The following CAP2 variants were observed in gnomAD, a reference collection of about 807,000 sequenced individuals.
CAP2 encodes adenylyl cyclase-associated protein 2.
CAP2 carries 24 observed loss-of-function variants against 57.7 expected under a neutral mutation model. That is an observed-to-expected ratio of 0.42 (90% CI 0.30 to 0.58). CAP2 has a LOEUF of 0.58. CAP2 is among the 20% of genes least tolerant of loss of function. The pLI, the probability that CAP2 is intolerant of heterozygous loss-of-function variation, is 0.22. For missense variants in CAP2, 501 were observed against 590.3 expected, an observed-to-expected ratio of 0.85 and a Z score of 1.57; for synonymous variants, 194 against 207.2, an observed-to-expected ratio of 0.94 and a Z score of 0.55.
chr6:17,400,037 G>A (rs975349156), intron 1 of CAP2, among the ~76,000 whole-genome samples: 11 of 151,520 alleles, frequency 7.3e-5, no homozygotes, highest in South Asian at 4.2e-4. Context: ...TGGCTAACAC[G>A]GTGAAACCCC....
chr6:17,458,903 A>C (rs1209980286), intron 3 of CAP2, among the ~76,000 whole-genome samples: 11 of 150,708 alleles, frequency 7.3e-5, no homozygotes, highest in African/African-American at 2.7e-4. Context: ...AAAAAAAAAG[A>C]AAGAATTAAA....
chr6:17,539,248 C>G (rs1561821004), intron 7 of CAP2, 21 bp from the exon 8 acceptor site: 1 of 1,594,434 alleles, frequency 6.3e-7, no homozygotes, highest in East Asian at 2.2e-5. Context: ...CAATGCAATG[C>G]CCTGTCTTCT....
At chr6:17,522,835 G>A (rs774995115) in intron 7 of CAP2, among the ~76,000 whole-genome samples, 17 of 152,058 alleles carry the variant, frequency 1.1e-4, no homozygotes, top group Non-Finnish European at 2.9e-5. Flanking sequence ...TCACTCTGTC[G>A]CCAGGCTGGA....
At chr6:17,415,529 G>T (rs1401928354) in intron 1 of CAP2, among the ~76,000 whole-genome samples, 1 of 152,228 alleles carries the variant, frequency 6.6e-6, no homozygotes, top group Non-Finnish European at 1.5e-5. Context: ...AATGGTGCCA[G>T]TGAGTGGGCA....
Position 17,513,876 on chromosome 6 carries a change from G to A in CAP2, c.558G>A (p.Lys186=). ...HSDLRHVDWV[K]SYLNIWSELQ... ...ATTTGCGTCATGTGGATTGGGTGAAGTCATATTTGAACATTTGGAGTGAAC... is the reference window on the plus strand; with the variant it reads ...ATTTGCGTCATGTGGATTGGGTGAAATCATATTTGAACATTTGGAGTGAAC... Residue 186 remains lysine, a synonymous_variant, in exon 7 of 13, where the codon AAG becomes AAA. Transcript: ENST00000229922. The surrounding 1 kb of genome is among the most constrained non-coding windows in gnomAD (Gnocchi z 4.3). 2 of 1,613,262 alleles carry A rather than the reference G, an allele frequency of 1.2e-6. No individual in the cohort carries two copies. The highest frequency in any genetic ancestry group is 1.7e-6 in the Non-Finnish European group (2 of 1,179,234).
At chr6:17,461,980 G>A (rs1281789507) in intron 3 of CAP2, among the ~76,000 whole-genome samples, 11 of 56,138 alleles carry the variant, frequency 2.0e-4, no homozygotes, top group South Asian at 6.9e-4. Flanking sequence ...GCAACAGGGC[G>A]AGACTCCGTC....
intron 3 of CAP2, among the ~76,000 whole-genome samples, chr6:17,461,139 AC>A (rs1287607993): frequency 6.6e-6 from 1 of 152,074 alleles, no homozygotes; most frequent in Non-Finnish European, 1.5e-5. Context: ...ACAGAGTGAG[AC>A]CATGTCTCTA....
At chr6:17,410,682 C>T (rs566998633) in intron 1 of CAP2, among the ~76,000 whole-genome samples, 17 of 152,136 alleles carry the variant, frequency 1.1e-4, no homozygotes, top group African/African-American at 2.4e-4. Flanking sequence ...CTCAACCTCC[C>T]GAGTAGCTGG....
At chr6:17,496,780 AG>A (rs1761680977) in intron 4 of CAP2, among the ~76,000 whole-genome samples, 1 of 152,202 alleles carries the variant, frequency 6.6e-6, no homozygotes, top group Non-Finnish European at 1.5e-5. Flanking sequence ...TAACACTCAC[AG>A]GGGAGTTGTT....
intron 1 of CAP2, among the ~76,000 whole-genome samples, chr6:17,399,952 T>G (rs1581484314): frequency 1.3e-5 from 2 of 152,098 alleles, no homozygotes; most frequent in Admixed American, 6.5e-5. Context: ...CCGGGCATGG[T>G]GGCTCACGCC....
At chr6:17,400,142 C>T (rs1456075365) in intron 1 of CAP2, among the ~76,000 whole-genome samples, 1 of 152,116 alleles carries the variant, frequency 6.6e-6, no homozygotes, top group Non-Finnish European at 1.5e-5. Flanking sequence ...AGGAGAATCG[C>T]TTGAACCCGG....
Position 17,513,981 on chromosome 6 carries a change from T to G in CAP2, c.636+27T>G. Reference sequence around the variant, plus strand: ...TGAGTACGAGGCCTTCCTCCACGTGTGTAAAAAAAGGCCATGACTATATAT... The same window carrying G: ...TGAGTACGAGGCCTTCCTCCACGTGGGTAAAAAAAGGCCATGACTATATAT... On this transcript the variant is annotated intron_variant, in intron 7 of 12. Transcript: ENST00000229922. The surrounding 1 kb of genome is among the most constrained non-coding windows in gnomAD (Gnocchi z 4.3). The G allele has an allele frequency of 7.1e-7, 1 of 1,409,062 alleles. No homozygotes were observed. The highest frequency in any genetic ancestry group is 1.0e-6 in the Non-Finnish European group (1 of 993,742). The allele number at this position is 1,409,062 out of a possible 1,614,324, so 87.3% of individuals were successfully genotyped here. A position where few individuals can be genotyped will look rare whatever the true frequency, so the allele number is the denominator to read the frequency against.
intron 4 of CAP2, among the ~76,000 whole-genome samples, chr6:17,505,599 CT>C (rs1396152958): frequency 6.6e-6 from 1 of 152,192 alleles, no homozygotes; most frequent in Non-Finnish European, 1.5e-5. Flanking sequence ...AATTAAAGAG[CT>C]GTAAGGAGCT....
intron 3 of CAP2, among the ~76,000 whole-genome samples, chr6:17,458,542 G>A (rs115266264): frequency 0.018 from 2,700 of 152,328 alleles, 48 homozygotes; most frequent in Non-Finnish European, 0.029. Context: ...ACATTTGTCA[G>A]ATGCCAAAAC....
At position 17,507,736 on chromosome 6, in the gene CAP2, T is replaced by C. The variant is rs997697040; in HGVS notation, c.530+10T>C. ...AGGACTACAAACACAGGTACGTACC[T>C]TCCTTTACTCACCAAATTTTCAGTT... On this transcript the variant is annotated intron_variant, in intron 6 of 12. Transcript: ENST00000229922. 4.0e-6 allele frequency: 6 copies of C among 1,492,234 alleles called. No homozygotes were observed. In the African/African-American group the frequency reaches 5.5e-5, roughly 14 times the overall value. 92.4% of individuals were successfully genotyped at this position (1,492,234 alleles called of 1,614,324 possible).
chr6:17,444,643 A>AT (rs1227216780), intron 3 of CAP2, among the ~76,000 whole-genome samples: 6 of 151,284 alleles, frequency 4.0e-5, no homozygotes, highest in Non-Finnish European at 5.9e-5. Flanking sequence ...CTGTCTCAAA[A>AT]AAAAAAAAAA....
At chr6:17,462,085 A>T (rs73373301) in intron 3 of CAP2, among the ~76,000 whole-genome samples, 15,229 of 151,180 alleles carry the variant, frequency 0.1, 2,454 homozygotes, top group African/African-American at 0.34. Flanking sequence ...AAATTAGTTG[A>T]ATGAGTCAAG....
At position 17,438,150 on chromosome 6, in the gene CAP2, A is replaced by G. The variant is rs553706687; in HGVS notation, c.222+11460A>G. Among the ~76,000 whole-genome samples the G allele has an allele frequency of 4.8e-5, 7 of 146,696 alleles. No individual in the cohort carries two copies. The South Asian group carries it at 1.1e-3, about 22-fold the overall frequency. Reference sequence around the variant, plus strand: ...TGGGAGGCCAAGGTGGGCGGATCACAAGGTCAGGAGTTCAAGACCAGCTTG... The same window carrying G: ...TGGGAGGCCAAGGTGGGCGGATCACGAGGTCAGGAGTTCAAGACCAGCTTG... On this transcript the variant is annotated intron_variant, in intron 3 of 12. Coordinates refer to ENST00000229922, the MANE Select transcript of CAP2 (RefSeq NM_006366.3).
chr6:17,438,668 T>G (rs946169789), intron 3 of CAP2, among the ~76,000 whole-genome samples: 5 of 148,210 alleles, frequency 3.4e-5, no homozygotes, highest in African/African-American at 1.3e-4. Flanking sequence ...CTCAATCTCC[T>G]GACCTTGTGA....
Sources: allele counts gnomAD v4.1 joint callset (sites outside exome capture counted in the v4.1 genomes callset), GRCh38; gene constraint gnomAD v4.1.1; non-coding constraint Gnocchi (gnomAD v3.1); transcripts MANE v1.5; gene names NCBI Gene and HGNC (gene_info 2026-07-23, HGNC 2026-07-21).